NRXN2: variants seen among roughly 807,000 people sequenced by gnomAD.
The protein encoded by NRXN2 is neurexin-2-beta.
In NRXN2, 29 loss-of-function variants were observed where a neutral mutation model predicts 128.8. The ratio of observed to expected loss-of-function variants is 0.23; its 90% CI spans 0.17 to 0.31. The LOEUF is 0.31. Ranked by LOEUF, NRXN2 falls within the 10% of genes least tolerant of loss-of-function variation. The pLI, the probability that NRXN2 is intolerant of heterozygous loss-of-function variation, is 1.00. For missense variants in NRXN2, 1,881 were observed against 2,452.6 expected (o/e 0.77, Z 4.92); for synonymous variants, 1,098 against 1,075.2 (o/e 1.02, Z -0.41).
intron 1 of NRXN2, among the ~76,000 whole-genome samples, chr11:64,719,583 GCCGCCTCA>G (rs2057381084): frequency 6.6e-6 from 1 of 152,160 alleles, no homozygotes; most frequent in East Asian, 1.9e-4. Flanking sequence ...TGAGGCTGCT[GCCGCCTCA>G]TGGAGCTGGG....
intron 15 of NRXN2, among the ~76,000 whole-genome samples, chr11:64,649,789 A>T (rs1450754712): frequency 6.6e-6 from 1 of 152,134 alleles, no homozygotes; most frequent in African/African-American, 2.4e-5. Context: ...AAAGTAGATC[A>T]CATTGCCCTC....
intron 3 of NRXN2, among the ~76,000 whole-genome samples, chr11:64,694,779 C>T (rs560484168): frequency 6.9e-4 from 105 of 152,324 alleles, no homozygotes; most frequent in African/African-American, 2.4e-3. Flanking sequence ...GAGCCCTCAA[C>T]CCACATCCGA....
intron 1 of NRXN2, among the ~76,000 whole-genome samples, chr11:64,718,073 AAAGC>A (rs1306234331): frequency 1.3e-5 from 2 of 152,112 alleles, no homozygotes; most frequent in Non-Finnish European, 2.9e-5. Context: ...ATCACACAGA[AAAGC>A]AAGACTAGAA....
intron 9 of NRXN2, among the ~76,000 whole-genome samples, chr11:64,663,639 ACT>A (rs2135496143): frequency 6.6e-6 from 1 of 152,154 alleles, no homozygotes. Flanking sequence ...ACTCAACCAG[ACT>A]CTCTACAAAT....
chr11:64,617,279 T>C (rs2041683690), intron 22 of NRXN2, among the ~76,000 whole-genome samples: 1 of 152,042 alleles, frequency 6.6e-6, no homozygotes, highest in Admixed American at 6.5e-5. Flanking sequence ...TACATGTGCA[T>C]ACAGACCCTG....
intron 9 of NRXN2, among the ~76,000 whole-genome samples, chr11:64,665,445 T>G (rs573695182): frequency 7.9e-5 from 12 of 152,200 alleles, no homozygotes; most frequent in Non-Finnish European, 1.6e-4. Context: ...AGCCCTGCAG[T>G]GCCCTGCAAG....
intron 6 of NRXN2, among the ~76,000 whole-genome samples, chr11:64,682,255 C>T: frequency 6.6e-6 from 1 of 150,446 alleles, no homozygotes; most frequent in Non-Finnish European, 1.5e-5. Context: ...GACTCCATCT[C>T]TGGGGACTCC....
intron 8 of NRXN2, 80 bp downstream of exon 8, chr11:64,668,363 C>T (rs1244978943): frequency 8.3e-6 from 13 of 1,569,406 alleles, no homozygotes; most frequent in Non-Finnish European, 1.1e-5. Context: ...AGACAACTAG[C>T]CAGGTCAGAC....
intron 17 of NRXN2, among the ~76,000 whole-genome samples, chr11:64,638,287 C>G (rs1591679206): frequency 6.6e-6 from 1 of 152,324 alleles, no homozygotes; most frequent in Non-Finnish European, 1.5e-5. Context: ...TGTGGGGGGA[C>G]TGGGCGGAGA....
intron 2 of NRXN2, among the ~76,000 whole-genome samples, chr11:64,699,639 C>A (rs940111476): frequency 6.6e-6 from 1 of 152,058 alleles, no homozygotes; most frequent in Non-Finnish European, 1.5e-5. Context: ...TCTCGAACTC[C>A]CAACCTCAGG....
intron 1 of NRXN2, among the ~76,000 whole-genome samples, chr11:64,719,678 C>T (rs1336666830): frequency 6.6e-6 from 1 of 151,994 alleles, no homozygotes; most frequent in Admixed American, 6.6e-5. Flanking sequence ...TGCATGGGAG[C>T]ATGGAGGTAG....
rs573053706 is a variant in NRXN2 at position 64,667,898 on chromosome 11, C to T, written c.1360-210G>A. Reference sequence around the variant, plus strand: ...CTCCCTTGCCCGTCCTCTGTCCTGTCTTCTGGCCCAGCAGGAGCATGGTGG... The same window carrying T: ...CTCCCTTGCCCGTCCTCTGTCCTGTTTTCTGGCCCAGCAGGAGCATGGTGG... On this transcript the variant is annotated intron_variant, in intron 8 of 22. Coordinates refer to ENST00000265459, the MANE Select transcript of NRXN2 (RefSeq NM_015080.4). This position sits in a 1 kb window ranked among gnomAD's most constrained non-coding sequence, Gnocchi z 5.6. Among the ~76,000 whole-genome samples the T allele has an allele frequency of 6.6e-6, 1 of 152,332 alleles. No homozygotes were observed. Among genetic ancestry groups the T allele is most frequent in the Admixed American group, 6.5e-5 (1 of 15,300 alleles).
At chr11:64,711,353 C>G (rs2135668168) in intron 2 of NRXN2, among the ~76,000 whole-genome samples, 1 of 152,352 alleles carries the variant, frequency 6.6e-6, no homozygotes, top group South Asian at 2.1e-4. Flanking sequence ...GAGGCACACA[C>G]GAGCTGGAAG....
intron 1 of NRXN2, among the ~76,000 whole-genome samples, chr11:64,720,214 G>GT: frequency 6.6e-6 from 1 of 152,308 alleles, no homozygotes; most frequent in East Asian, 1.9e-4. Flanking sequence ...TAAATAACAA[G>GT]GTGCCACACA....
chr11:64,686,099 G>A (rs1038488790), intron 5 of NRXN2, 152 bp from the exon 6 acceptor site: 39 of 795,588 alleles, frequency 4.9e-5, no homozygotes, highest in South Asian at 1.6e-4. Context: ...TCCCTCCCTC[G>A]GCCTGTCAAC....
At chr11:64,634,201 G>C (rs1224195457) in intron 18 of NRXN2, among the ~76,000 whole-genome samples, 2 of 152,176 alleles carry the variant, frequency 1.3e-5, no homozygotes, top group East Asian at 1.9e-4. Context: ...TGGCCAGCCT[G>C]CCTGATCCCC....
Position 64,713,733 on chromosome 11 carries a change from G to A in NRXN2, c.-34C>T, listed in dbSNP as rs2057180205. On this transcript the variant is annotated 5_prime_UTR_variant, in exon 2 of 23. Transcript: ENST00000265459. ...CGGCCCCGGCCCCGCCCGGCCCCCGGCCCCCGCTCAGGCTTCAGAGCCGCG... is the reference window on the plus strand; with the variant it reads ...CGGCCCCGGCCCCGCCCGGCCCCCGACCCCCGCTCAGGCTTCAGAGCCGCG... 9.8e-7 allele frequency: 1 copy of A among 1,022,348 alleles called. No homozygotes were observed. Among genetic ancestry groups the A allele is most frequent in the Non-Finnish European group, 1.2e-6 (1 of 853,668 alleles). The allele number at this position is 1,022,348 out of a possible 1,614,324, so 63.3% of individuals were successfully genotyped here.
intron 22 of NRXN2, among the ~76,000 whole-genome samples, chr11:64,608,962 G>A (rs552922164): frequency 2.0e-5 from 3 of 152,206 alleles, no homozygotes; most frequent in East Asian, 3.9e-4. Context: ...GGACGGCCAC[G>A]GGAGGGGGCT....
At chr11:64,642,348 A>G (rs977152880) in intron 17 of NRXN2, among the ~76,000 whole-genome samples, 5 of 150,898 alleles carry the variant, frequency 3.3e-5, no homozygotes, top group African/African-American at 1.2e-4. Context: ...GAGAGGAGAG[A>G]TGGAGGCAAG....
Sources: gnomAD v4.1 joint callset for allele counts (sites outside exome capture counted in the v4.1 genomes callset) on GRCh38, gnomAD v4.1.1 for gene constraint, Gnocchi (gnomAD v3.1) non-coding constraint, MANE v1.5 for transcripts, NCBI Gene and HGNC (gene_info 2026-07-23, HGNC 2026-07-21) for gene names.